The following VIT variants were observed in gnomAD, a reference collection of about 807,000 sequenced individuals.
VIT encodes the protein vitrin.
A neutral mutation model predicts 78.0 loss-of-function variants in VIT; 99 were observed. That is an observed-to-expected ratio of 1.27 (90% CI 1.08 to 1.50). The LOEUF is 1.50. Ranked by LOEUF, VIT falls within the 40% of genes most tolerant of loss-of-function variation. VIT has a pLI of 0.00. For missense variants in VIT, 1,126 were observed against 875.3 expected, an observed-to-expected ratio of 1.29 and a Z score of -3.61; for synonymous variants, 374 against 334.3, an observed-to-expected ratio of 1.12 and a Z score of -1.29.
chr2:36,808,163 G>A (rs930396596), intron 14 of VIT, among the ~76,000 whole-genome samples: 6 of 152,204 alleles, frequency 3.9e-5, no homozygotes, highest in African/African-American at 7.2e-5. Context: ...GGAGGAGCCC[G>A]GAGAAGCATA....
intron 9 of VIT, among the ~76,000 whole-genome samples, chr2:36,781,048 A>G (rs1664717500): frequency 6.6e-6 from 1 of 152,176 alleles, no homozygotes; most frequent in African/African-American, 2.4e-5. Flanking sequence ...GAAGGCCATT[A>G]AACATCTTAC....
intron 11 of VIT, 71 bp from the exon 12 acceptor site, chr2:36,787,058 G>A (rs1665146732): frequency 6.3e-7 from 1 of 1,576,498 alleles, no homozygotes; most frequent in East Asian, 2.2e-5. Context: ...TGGAGAAAGA[G>A]GAACAAGAGG....
At chr2:36,721,358 G>C (rs751789974) in intron 2 of VIT, among the ~76,000 whole-genome samples, 5 of 152,094 alleles carry the variant, frequency 3.3e-5, no homozygotes, top group Non-Finnish European at 7.4e-5. Flanking sequence ...CCCCTCTCCA[G>C]GTCCTCATGT....
intron 5 of VIT, among the ~76,000 whole-genome samples, chr2:36,757,013 C>T (rs539219653): frequency 6.6e-6 from 1 of 152,158 alleles, no homozygotes; most frequent in Non-Finnish European, 1.5e-5. Flanking sequence ...GACAGTTAAC[C>T]GAAAATACTT....
At chr2:36,731,423 G>T (rs1262290727) in intron 3 of VIT, among the ~76,000 whole-genome samples, 1 of 151,880 alleles carries the variant, frequency 6.6e-6, no homozygotes, top group African/African-American at 2.4e-5. Flanking sequence ...ACAGGCGCCC[G>T]CCACCACACC....
rs1350146278 is a variant in VIT, at chr2:36,787,254, C to T, written c.1036C>T (p.Leu346=). ...QALDIGPAGP[L]MGVVQYGDNP... ...TCTTGACATTGGCCCTGCCGGTCCACTGATGGGTGTTGTCCAGTATGGGTA... is the reference window on the plus strand; with the variant it reads ...TCTTGACATTGGCCCTGCCGGTCCATTGATGGGTGTTGTCCAGTATGGGTA... The change falls in exon 12 of 16, where the codon CTG becomes TTG. Residue 346 remains leucine (L), a synonymous_variant. Transcript: ENST00000379242. The T allele has an allele frequency of 6.2e-7, 1 of 1,614,078 alleles. No individual in the cohort carries two copies. Among genetic ancestry groups the T allele is most frequent in the East Asian group, 2.2e-5 (1 of 44,904 alleles).
chr2:36,771,620 C>T (rs1181603191), intron 7 of VIT, among the ~76,000 whole-genome samples: 4 of 151,604 alleles, frequency 2.6e-5, no homozygotes, highest in African/African-American at 4.8e-5. Flanking sequence ...AATATCATTT[C>T]TCAGCAACTC....
intron 7 of VIT, among the ~76,000 whole-genome samples, chr2:36,768,431 CAATA>C (rs1362979073): frequency 2.6e-5 from 4 of 152,114 alleles, no homozygotes; most frequent in Admixed American, 2.6e-4. Context: ...GACTCCGTTT[CAATA>C]AATAAATAAA....
At chr2:36,709,033 C>G (rs1375580556) in intron 1 of VIT, among the ~76,000 whole-genome samples, 3 of 152,064 alleles carry the variant, frequency 2.0e-5, no homozygotes, top group Non-Finnish European at 4.4e-5. Flanking sequence ...GCCTGTAATC[C>G]CAGCTACTTG....
At chr2:36,805,685 C>A in intron 14 of VIT, 21 bp downstream of exon 14, 1 of 1,601,330 alleles carries the variant, frequency 6.2e-7, no homozygotes, top group South Asian at 1.1e-5. Context: ...GCCCGGAGAC[C>A]TACCCAACAT....
chr2:36,813,466 C>T (rs1160997882), intron 15 of VIT, among the ~76,000 whole-genome samples: 1 of 152,044 alleles, frequency 6.6e-6, no homozygotes, highest in Non-Finnish European at 1.5e-5. Flanking sequence ...CAAACAAAAA[C>T]CCATTGAGCA....
At position 36,808,855 on chromosome 2, in the gene VIT, T is replaced by A. The variant is rs1666942248; in HGVS notation, c.1773T>A (p.Ala591=). 6.2e-7 allele frequency: 1 copy of A among 1,614,080 alleles called. No homozygotes were observed. Among genetic ancestry groups the A allele is most frequent in the African/African-American group, 1.3e-5 (1 of 74,926 alleles). ...GYWSGGTSTG[A]AINFALEQLF... The stretch of plus-strand genomic sequence containing the variant: ...GGAGTGGTGGCACCAGCACGGGGGC[T>A]GCCATCAACTTCGCCCTGGAGCAGC... Residue 591 remains alanine (A), a synonymous_variant, in exon 15 of 16, where the codon GCT becomes GCA. Coordinates refer to ENST00000379242, the MANE Select transcript of VIT (RefSeq NM_053276.4).
chr2:36,776,946 AG>A (rs1259004436), intron 9 of VIT, among the ~76,000 whole-genome samples: 1 of 147,106 alleles, frequency 6.8e-6, no homozygotes, highest in South Asian at 2.2e-4. Flanking sequence ...AAAATTAGCC[AG>A]GCGTGGTGGC....
chr2:36,745,068 T>A (rs188061628), intron 4 of VIT, among the ~76,000 whole-genome samples: 1 of 152,136 alleles, frequency 6.6e-6, no homozygotes, highest in Non-Finnish European at 1.5e-5. Flanking sequence ...ATTTATTGAA[T>A]AGGGAATCCT....
At chr2:36,705,155 C>T (rs1665333456) in intron 1 of VIT, among the ~76,000 whole-genome samples, 1 of 152,200 alleles carries the variant, frequency 6.6e-6, no homozygotes, top group Non-Finnish European at 1.5e-5. Flanking sequence ...AATCTTTAAA[C>T]CACTCACGGT....
chr2:36,785,385 A>G (rs1188824613), intron 11 of VIT, among the ~76,000 whole-genome samples: 9 of 151,926 alleles, frequency 5.9e-5, no homozygotes, highest in African/African-American at 1.9e-4. Context: ...GCAACAATTC[A>G]CACTGCAAGC....
At chr2:36,783,457 C>G in intron 11 of VIT, 55 bp downstream of exon 11, 1 of 1,568,540 alleles carries the variant, frequency 6.4e-7, no homozygotes, top group Non-Finnish European at 8.7e-7. Context: ...GAACTGCTCT[C>G]TCCTCTCTTC....
At chr2:36,729,348 G>T (rs1027616449) in intron 2 of VIT, 78 bp from the exon 3 acceptor site, 1 of 1,291,228 alleles carries the variant, frequency 7.7e-7, no homozygotes, top group Non-Finnish European at 1.1e-6. Flanking sequence ...GTGGATGATC[G>T]AAGCAAGTAT....
In VIT at chr2:36,779,551, T is replaced by C. The variant is rs144973242; in HGVS notation, c.803-2176T>C. Among the ~76,000 whole-genome samples, 605 of 152,322 alleles carry C rather than the reference T, an allele frequency of 4.0e-3. 4 individuals are homozygous for C. Among genetic ancestry groups the C allele is most frequent in the African/African-American group, 0.013 (529 of 41,558 alleles). On this transcript the variant is annotated intron_variant, in intron 9 of 15. Coordinates refer to ENST00000379242, the MANE Select transcript of VIT (RefSeq NM_053276.4). ...AAATGGGTGCCATGGTGGTTTTCTA[T>C]ACAGATCATCCGATCACCTAGGTAT...
Sources: gnomAD v4.1 joint callset for allele counts (sites outside exome capture counted in the v4.1 genomes callset) on GRCh38, gnomAD v4.1.1 for gene constraint, MANE v1.5 for transcripts, NCBI Gene and HGNC (gene_info 2026-07-23, HGNC 2026-07-21) for gene names.